The following SDHA variants were observed in gnomAD, a reference collection of about 807,000 sequenced individuals.
SDHA encodes the protein succinate dehydrogenase [ubiquinone] flavoprotein subunit, mitochondrial.
SDHA carries 48 observed loss-of-function variants against 78.4 expected under a neutral mutation model. The ratio of observed to expected loss-of-function variants is 0.61; its 90% confidence interval spans 0.49 to 0.78. The LOEUF is 0.78. Among genes scored for constraint, SDHA ranks in the 30% least tolerant of loss-of-function variants. The pLI is 0.00. For synonymous variants in SDHA, 326 were observed against 353.9 expected (o/e 0.92, Z 0.88); for missense variants, 680 against 892.7 (o/e 0.76, Z 3.04).
chr5:256,494 T>C lies in SDHA; in HGVS notation c.*74T>C. ...ATAGCTCATGCATGTGTCCATGTCA[T>C]AACTGTCTTCATACGCTTCTGCACT... On this transcript the variant is annotated 3_prime_UTR_variant, in exon 15 of 15. Coordinates refer to ENST00000264932, the MANE Select transcript of SDHA (RefSeq NM_004168.4). 5 of 1,299,306 alleles carry C rather than the reference T, an allele frequency of 3.8e-6. No homozygotes were observed. Among genetic ancestry groups the C allele is most frequent in the Non-Finnish European group, 5.6e-6 (5 of 894,738 alleles). The allele number at this position is 1,299,306 out of a possible 1,614,324, so 80.5% of individuals were successfully genotyped here.
At chr5:259,410 C>G (rs6878683), downstream of SDHA, among the ~76,000 whole-genome samples, 19 of 45,564 alleles carry the variant, frequency 4.2e-4, no homozygotes, top group East Asian at 9.8e-4. Context: ...CCTCCCGTCA[C>G]AGCATTACCG....
chr5:224,973 C>T (rs1383057949), intron 3 of SDHA: 14 of 326,452 alleles, frequency 4.3e-5, no homozygotes, highest in South Asian at 2.7e-4. Flanking sequence ...CAGGGGAGTG[C>T]GACTCTGAGT....
chr5:224,203 C>T (rs1417410159), intron 2 of SDHA, among the ~76,000 whole-genome samples, 157 bp from the exon 3 acceptor site: 1 of 152,222 alleles, frequency 6.6e-6, no homozygotes, highest in African/African-American at 2.4e-5. Context: ...GCCCACCTCT[C>T]CCCGAACTGT....
chr5:258,792 T>C (rs1363365119), downstream of SDHA, among the ~76,000 whole-genome samples: 6 of 93,288 alleles, frequency 6.4e-5, no homozygotes, highest in Non-Finnish European at 3.8e-5. Context: ...CCGTGTGAGC[T>C]CCGCCTCCCG....
intron 10 of SDHA, among the ~76,000 whole-genome samples, chr5:238,199 A>G (rs919588156): frequency 6.6e-5 from 10 of 152,112 alleles, no homozygotes; most frequent in African/African-American, 2.4e-4. Context: ...TGGAAAAGGC[A>G]CATCTAGGGA....
downstream of SDHA, among the ~76,000 whole-genome samples, chr5:258,187 C>CCT (rs1737327318): frequency 2.4e-5 from 3 of 124,104 alleles, 1 homozygote; most frequent in Admixed American, 1.5e-4. Context: ...CAGAGCATTA[C>CCT]TGGGTGAGCT....
chr5:256,567 G>T lies in SDHA; in HGVS notation c.*147G>T. ...AAGGGAGATTGGCACCTAGTGGCTGGGAGCTTGCCAGGAACCCAGTGGCCA... is the reference window on the plus strand; with the variant it reads ...AAGGGAGATTGGCACCTAGTGGCTGTGAGCTTGCCAGGAACCCAGTGGCCA... On this transcript the variant is annotated 3_prime_UTR_variant, in exon 15 of 15. Coordinates refer to ENST00000264932, the MANE Select transcript of SDHA (RefSeq NM_004168.4). The T allele has an allele frequency of 1.3e-6, 1 of 747,198 alleles. No individual in the cohort carries two copies. Among genetic ancestry groups the T allele is most frequent in the East Asian group, 2.7e-5 (1 of 37,140 alleles). The allele number at this position is 747,198 out of a possible 1,614,324, so 46.3% of individuals were successfully genotyped here.
chr5:244,735 A>T (rs1399165591), intron 11 of SDHA, among the ~76,000 whole-genome samples: 2 of 152,220 alleles, frequency 1.3e-5, no homozygotes, highest in East Asian at 3.8e-4. Context: ...CAAAGTAGTT[A>T]TATTTCCATT....
At chr5:244,207 T>G (rs933675843) in intron 11 of SDHA, among the ~76,000 whole-genome samples, 1 of 151,480 alleles carries the variant, frequency 6.6e-6, no homozygotes, top group African/African-American at 2.4e-5. Context: ...CACAGTAGAT[T>G]TATGCTGCAC....
chr5:260,848 A>C (rs1269150513), downstream of SDHA, among the ~76,000 whole-genome samples: 2 of 11,302 alleles, frequency 1.8e-4, no homozygotes, highest in East Asian at 6.8e-4. Context: ...GCCTCCCGCC[A>C]GAGCATTACC....
chr5:252,476 A>G (rs1202788281), intron 13 of SDHA, among the ~76,000 whole-genome samples: 4 of 148,780 alleles, frequency 2.7e-5, no homozygotes, highest in Admixed American at 2.7e-4. Flanking sequence ...CGAGTAAGCC[A>G]CCATTTCAAA....
intron 11 of SDHA, chr5:249,165 A>G: frequency 2.6e-6 from 1 of 378,358 alleles, no homozygotes; most frequent in Non-Finnish European, 5.0e-6. Flanking sequence ...ATTAAAATGG[A>G]TAAAAACACT....
chr5:265,024 A>G, the SDHA span, among the ~76,000 whole-genome samples: 123 of 152,328 alleles, frequency 8.1e-4, no homozygotes, highest in Middle Eastern at 3.4e-3. Context: ...CCTTGCCAAC[A>G]TGGTGAAACC....
intron 13 of SDHA, among the ~76,000 whole-genome samples, chr5:252,131 G>GT (rs1349898770): frequency 1.4e-5 from 2 of 145,936 alleles, no homozygotes; most frequent in African/African-American, 5.0e-5. Flanking sequence ...TTATTAACGA[G>GT]TAAGTCACTG....
At chr5:225,658 CA>C in intron 4 of SDHA, 96 bp downstream of exon 4, 1 of 1,552,116 alleles carries the variant, frequency 6.4e-7, no homozygotes, top group Non-Finnish European at 8.9e-7. Context: ...ATGTGGCAGC[CA>C]AAAGAATGGT....
chr5:246,298 A>C (rs1164853683), intron 11 of SDHA, among the ~76,000 whole-genome samples: 1 of 152,014 alleles, frequency 6.6e-6, no homozygotes, highest in Non-Finnish European at 1.5e-5. Context: ...GATCCAGAGA[A>C]GACTCGAGCT....
At chr5:254,315 T>G in intron 13 of SDHA, 78 bp from the exon 14 acceptor site, 1 of 1,312,494 alleles carries the variant, frequency 7.6e-7, no homozygotes, top group South Asian at 1.3e-5. Flanking sequence ...GTCTCTTAGA[T>G]CATGTTAATG....
chr5:229,662 A>G (rs112677399), intron 6 of SDHA, among the ~76,000 whole-genome samples: 16,702 of 151,962 alleles, frequency 0.11, 2,969 homozygotes, highest in African/African-American at 0.38. Context: ...CTGAAGGTCT[A>G]ATATACAACA....
At chr5:224,891 T>G (rs1734921101) in intron 3 of SDHA, 1 of 362,858 alleles carries the variant, frequency 2.8e-6, no homozygotes. Flanking sequence ...TTTGTCCCTG[T>G]GCTTCTGTCT....
Sources: gnomAD v4.1 joint callset for allele counts (sites outside exome capture counted in the v4.1 genomes callset) on GRCh38, gnomAD v4.1.1 for gene constraint, MANE v1.5 for transcripts, NCBI Gene and HGNC (gene_info 2026-07-23, HGNC 2026-07-21) for gene names.